Variants in PXDNL observed in about 807,000 individuals in gnomAD.
PXDNL encodes probable oxidoreductase PXDNL.
PXDNL carries 145 observed loss-of-function variants against 150.8 expected under a neutral mutation model. The observed-to-expected ratio is 0.96, with a 90% CI of 0.84 to 1.10. PXDNL has a LOEUF of 1.10. Ranked by LOEUF, PXDNL falls within the 50% of genes least tolerant of loss-of-function variation. The pLI, the probability that PXDNL is intolerant of heterozygous loss-of-function variation, is 0.00. For missense variants in PXDNL, 2,087 were observed against 1,873.9 expected, an observed-to-expected ratio of 1.11 and a Z score of -2.10; for synonymous variants, 757 against 725.7, an observed-to-expected ratio of 1.04 and a Z score of -0.69.
intron 17 of PXDNL, among the ~76,000 whole-genome samples, chr8:51,405,518 T>G (rs1456502835): frequency 6.6e-6 from 1 of 152,022 alleles, no homozygotes; most frequent in African/African-American, 2.4e-5. Flanking sequence ...AAAAACAAAG[T>G]CCTAAAACCA....
At chr8:51,487,722 C>G (rs77107068) in intron 5 of PXDNL, among the ~76,000 whole-genome samples, 1,962 of 152,252 alleles carry the variant, frequency 0.013, 41 homozygotes, top group African/African-American at 0.045. Context: ...GAAAACCTAA[C>G]TTGGTAAAGT....
At chr8:51,374,056 C>A (rs758891443) in intron 18 of PXDNL, among the ~76,000 whole-genome samples, 4 of 152,088 alleles carry the variant, frequency 2.6e-5, no homozygotes, top group Non-Finnish European at 4.4e-5. Flanking sequence ...AGAAGAGTTC[C>A]CAGTTATCTT....
rs762539648 is a variant in PXDNL, at chr8:51,408,181, T to C, written c.3443A>G (p.His1148Arg). The C allele has an allele frequency of 6.2e-6, 10 of 1,613,930 alleles. No individual in the cohort carries two copies. Among genetic ancestry groups the C allele is most frequent in the Non-Finnish European group, 8.5e-6 (10 of 1,179,910 alleles). Reference protein sequence around the residue: ...AATIIQRGRDHGIPPYVDFRV... With the variant: ...AATIIQRGRDRGIPPYVDFRV... ...GAAGTCAACATATGGTGGGATCCCG[T>C]GGTCTCTACCCCTTTGAATGATGGT... Residue 1148 changes from histidine (H) to arginine (R), a missense_variant, in exon 17 of 23, where the codon CAC becomes CGC. By Grantham distance (29) the His-to-Arg change is conservative. Transcript: ENST00000356297.
intron 3 of PXDNL, among the ~76,000 whole-genome samples, chr8:51,589,796 T>C (rs1215796078): frequency 2.0e-5 from 3 of 152,046 alleles, no homozygotes; most frequent in African/African-American, 7.2e-5. Context: ...AATTAAAAGG[T>C]AAAAAACAGA....
chr8:51,352,559 A>T (rs1806385434), intron 19 of PXDNL, among the ~76,000 whole-genome samples: 1 of 152,070 alleles, frequency 6.6e-6, no homozygotes, highest in Non-Finnish European at 1.5e-5. Context: ...AAAGTATGAC[A>T]CTTCCCCTTT....
In PXDNL at chr8:51,784,817, A is replaced by G. The variant is rs568627136; in HGVS notation, c.164+24364T>C. Among the ~76,000 whole-genome samples the G allele has an allele frequency of 1.2e-4, 18 of 152,336 alleles. 1 individual carries two copies. The Middle Eastern group carries it at 0.01, about 86-fold the overall frequency. ...GCATAGAATAATATGTGTAGAAAAA[A>G]TAATACTTTAATACCCAAAGCAACT... On this transcript the variant is annotated intron_variant, in intron 1 of 22. Transcript: ENST00000356297.
chr8:51,621,448 C>CTGTGTGTGTG (rs10531050), intron 2 of PXDNL, among the ~76,000 whole-genome samples: 1 of 142,136 alleles, frequency 7.0e-6, no homozygotes, highest in Non-Finnish European at 1.6e-5. Flanking sequence ...GTGTGTGTGT[C>CTGTGTGTGTG]TGTGTGTGTG....
intron 1 of PXDNL, among the ~76,000 whole-genome samples, chr8:51,777,314 C>T (rs34319820): frequency 0.18 from 27,490 of 152,060 alleles, 2,890 homozygotes; most frequent in Non-Finnish European, 0.23. Context: ...AAGATGGCTG[C>T]GATAATTAAA....
intron 1 of PXDNL, among the ~76,000 whole-genome samples, chr8:51,718,279 G>A (rs1816657636): frequency 1.3e-5 from 2 of 152,080 alleles, no homozygotes; most frequent in Admixed American, 1.3e-4. Flanking sequence ...GGACTGAGGG[G>A]GAGGAGCTGG....
intron 3 of PXDNL, among the ~76,000 whole-genome samples, chr8:51,582,128 A>T (rs1013477991): frequency 2.6e-5 from 4 of 152,166 alleles, no homozygotes; most frequent in African/African-American, 9.7e-5. Flanking sequence ...TCTAACCTCA[A>T]ATGTGAGTAT....
chr8:51,433,054 C>T (rs1704586648), intron 12 of PXDNL, among the ~76,000 whole-genome samples: 1 of 151,990 alleles, frequency 6.6e-6, no homozygotes, highest in Admixed American at 6.6e-5. Context: ...TATTAAAATA[C>T]AAAAATTAGC....
chr8:51,551,279 A>G (rs1428672262), intron 4 of PXDNL, among the ~76,000 whole-genome samples: 4 of 152,134 alleles, frequency 2.6e-5, no homozygotes, highest in Non-Finnish European at 5.9e-5. Flanking sequence ...ATTCAATACA[A>G]TTTCCACCAA....
intron 3 of PXDNL, among the ~76,000 whole-genome samples, chr8:51,584,653 G>A (rs1224422115): frequency 6.6e-6 from 1 of 152,142 alleles, no homozygotes; most frequent in Admixed American, 6.5e-5. Context: ...TGTGAAGGTG[G>A]CAATTCAGAA....
intron 14 of PXDNL, among the ~76,000 whole-genome samples, chr8:51,418,038 C>A (rs1808845299): frequency 6.6e-6 from 1 of 152,124 alleles, no homozygotes; most frequent in Non-Finnish European, 1.5e-5. Flanking sequence ...ATGCTACTTA[C>A]ACATATTAAA....
chr8:51,381,509 T>C (rs1425052529), intron 17 of PXDNL, among the ~76,000 whole-genome samples: 1 of 152,222 alleles, frequency 6.6e-6, no homozygotes, highest in African/African-American at 2.4e-5. Context: ...GGGGAAGTAC[T>C]GCCCCCCAGT....
intron 2 of PXDNL, among the ~76,000 whole-genome samples, chr8:51,625,163 T>C (rs1367802841): frequency 6.6e-6 from 1 of 152,164 alleles, no homozygotes; most frequent in East Asian, 1.9e-4. Context: ...GAAAGGTCAC[T>C]GCACATAAGC....
intron 3 of PXDNL, among the ~76,000 whole-genome samples, chr8:51,577,714 T>C (rs1813089141): frequency 6.7e-6 from 1 of 150,198 alleles, no homozygotes; most frequent in African/African-American, 2.4e-5. Context: ...AAAATAGAAC[T>C]GTAGGGAAAT....
At chr8:51,796,299 C>T (rs1415023949) in intron 1 of PXDNL, among the ~76,000 whole-genome samples, 2 of 141,992 alleles carry the variant, frequency 1.4e-5, no homozygotes, top group Admixed American at 1.4e-4. Flanking sequence ...TAACCAAGAT[C>T]AGAGTGGAAA....
chr8:51,474,236 A>C (rs1052571651), intron 7 of PXDNL, among the ~76,000 whole-genome samples: 2 of 152,192 alleles, frequency 1.3e-5, no homozygotes, highest in African/African-American at 4.8e-5. Flanking sequence ...GAATTATCAC[A>C]CACATGCACA....
Sources: allele counts gnomAD v4.1 joint callset (sites outside exome capture counted in the v4.1 genomes callset), GRCh38; gene constraint gnomAD v4.1.1; transcripts MANE v1.5; gene names NCBI Gene and HGNC (gene_info 2026-07-23, HGNC 2026-07-21).